Variants in FNDC3B observed in about 807,000 individuals in gnomAD.
The protein encoded by FNDC3B is fibronectin type III domain-containing protein 3B.
FNDC3B carries 12 observed loss-of-function variants against 151.5 expected under a neutral mutation model. The ratio of observed to expected loss-of-function variants is 0.08; its 90% confidence interval spans 0.05 to 0.13. The LOEUF is 0.13. Among genes scored for constraint, FNDC3B ranks in the 10% least tolerant of loss-of-function variants. The probability of loss-of-function intolerance (pLI) is 1.00; values close to 1 mark genes in which losing one functional copy is unlikely to be tolerated. For missense variants in FNDC3B, 1,214 were observed against 1,505.3 expected (o/e 0.81, Z 3.20); for synonymous variants, 528 against 549.0 (o/e 0.96, Z 0.54).
At chr3:172,377,653 TTGTC>T (rs1212387244) in intron 23 of FNDC3B, among the ~76,000 whole-genome samples, 3 of 152,180 alleles carry the variant, frequency 2.0e-5, no homozygotes, top group Non-Finnish European at 2.9e-5. Context: ...CCTGTGCTGT[TTGTC>T]TGTGATTTTG....
intron 3 of FNDC3B, among the ~76,000 whole-genome samples, chr3:172,167,821 C>T (rs965823756): frequency 2.6e-5 from 4 of 152,156 alleles, no homozygotes; most frequent in Non-Finnish European, 4.4e-5. Flanking sequence ...ATCTAGGTTG[C>T]GTACTCCTTA....
At chr3:172,176,513 T>C (rs1482057033) in intron 3 of FNDC3B, among the ~76,000 whole-genome samples, 1 of 152,210 alleles carries the variant, frequency 6.6e-6, no homozygotes, top group Non-Finnish European at 1.5e-5. Flanking sequence ...TTAGGAAATT[T>C]AGTTCCTGCT....
chr3:172,117,912 G>A (rs1720345635), intron 2 of FNDC3B, among the ~76,000 whole-genome samples: 2 of 152,084 alleles, frequency 1.3e-5, no homozygotes, highest in Admixed American at 6.5e-5. Flanking sequence ...CAGAAAACTC[G>A]CTTCTCCTGC....
chr3:172,222,644 C>G (rs1017969111), intron 3 of FNDC3B, among the ~76,000 whole-genome samples: 2 of 152,142 alleles, frequency 1.3e-5, no homozygotes, highest in Non-Finnish European at 2.9e-5. Context: ...CAGCCTAGAT[C>G]CCTCTTCACG....
chr3:172,191,728 C>A (rs376243469), intron 3 of FNDC3B, among the ~76,000 whole-genome samples: 2 of 152,138 alleles, frequency 1.3e-5, no homozygotes, highest in African/African-American at 4.8e-5. Context: ...AACTTCTGGG[C>A]TCAAGTGATC....
Position 172,247,624 on chromosome 3 carries a change from C to T in FNDC3B, c.356C>T (p.Pro119Leu). Residue 119 changes from proline to leucine, a missense_variant, in exon 5 of 26, where the codon CCA becomes CTA. Pro to Leu is a moderately conservative substitution (Grantham distance 98). Around this residue, in one of 7 missense-constraint regions of FNDC3B, gnomAD observed 113 missense variants for 177.8 expected, o/e 0.64. Transcript: ENST00000415807. ...YPPSYPSAMSPTHHLPPYLTH... is the reference protein window; with the variant it reads ...YPPSYPSAMSLTHHLPPYLTH... ...CCAAGCTACCCCTCAGCCATGTCTC[C>T]AACCCATCATCTCCCTCCCTATCTG... is the stretch of plus-strand genomic sequence containing the variant. 1 of 1,614,128 alleles carries T rather than the reference C, an allele frequency of 6.2e-7. No individual in the cohort carries two copies. The highest frequency in any genetic ancestry group is 1.3e-5 in the African/African-American group (1 of 75,016).
chr3:172,397,621 G>T lies in FNDC3B; in HGVS notation c.*146G>T, dbSNP rs1576978470. On this transcript the variant is annotated 3_prime_UTR_variant, in exon 26 of 26. Coordinates refer to ENST00000415807, the MANE Select transcript of FNDC3B (RefSeq NM_022763.4). ...GCTAGAAAAAAAATGTCAGTGTTTT[G>T]GTGCACCTTTTTGAAATGCAAAACT... 2.3e-6 allele frequency: 1 copy of T among 439,862 alleles called. No homozygotes were observed. The highest frequency in any genetic ancestry group is 3.6e-5 in the East Asian group (1 of 27,790). The allele number at this position is 439,862 out of a possible 1,614,324, so 27.2% of individuals were successfully genotyped here. A position where few individuals can be genotyped will look rare whatever the true frequency, so the allele number is the denominator to read the frequency against.
At chr3:172,212,964 G>T (rs1028132400) in intron 3 of FNDC3B, among the ~76,000 whole-genome samples, 1 of 152,202 alleles carries the variant, frequency 6.6e-6, no homozygotes, top group African/African-American at 2.4e-5. Flanking sequence ...AAACAATTCA[G>T]TTGAGATTAA....
chr3:172,393,769 A>G, intron 25 of FNDC3B, among the ~76,000 whole-genome samples: 1 of 152,198 alleles, frequency 6.6e-6, no homozygotes, highest in Non-Finnish European at 1.5e-5. Context: ...AATTAAATGG[A>G]AATTAAAAAA....
At chr3:172,188,297 T>A (rs1560008882) in intron 3 of FNDC3B, among the ~76,000 whole-genome samples, 1 of 151,878 alleles carries the variant, frequency 6.6e-6, no homozygotes, top group Non-Finnish European at 1.5e-5. Context: ...GCCTGGCCTT[T>A]AAGCAAAGTT....
intron 1 of FNDC3B, among the ~76,000 whole-genome samples, chr3:172,074,011 A>G (rs1025454630): frequency 1.3e-5 from 2 of 152,208 alleles, no homozygotes. Context: ...TTGCATCTTC[A>G]AGAAAGGGAT....
chr3:172,370,323 G>C (rs900407611), intron 23 of FNDC3B, among the ~76,000 whole-genome samples: 2 of 151,912 alleles, frequency 1.3e-5, no homozygotes, highest in Non-Finnish European at 2.9e-5. Context: ...TCCCCCTATA[G>C]TGATTTAAAA....
intron 3 of FNDC3B, chr3:172,186,862 A>T (rs1724213592): frequency 1.6e-6 from 1 of 619,442 alleles, no homozygotes; most frequent in South Asian, 1.9e-5. Context: ...TCTGAAGTGG[A>T]TTAAGTGGCC....
intron 7 of FNDC3B, among the ~76,000 whole-genome samples, chr3:172,293,704 G>A (rs548660721): frequency 6.6e-6 from 1 of 152,314 alleles, no homozygotes; most frequent in Admixed American, 6.5e-5. Flanking sequence ...ATGAGCAGGA[G>A]TTTGACTAAA....
intron 7 of FNDC3B, among the ~76,000 whole-genome samples, chr3:172,291,174 A>G (rs1355004566): frequency 6.6e-6 from 1 of 152,248 alleles, no homozygotes; most frequent in East Asian, 1.9e-4. Flanking sequence ...TGGATTACGT[A>G]TCAAATAGCT....
intron 2 of FNDC3B, among the ~76,000 whole-genome samples, chr3:172,118,161 A>G (rs1022005954): frequency 3.9e-5 from 6 of 152,186 alleles, no homozygotes; most frequent in Non-Finnish European, 8.8e-5. Flanking sequence ...TCCAGACAGT[A>G]TGTTCAACAT....
chr3:172,255,811 G>T (rs13094089), intron 6 of FNDC3B, among the ~76,000 whole-genome samples: 5 of 151,956 alleles, frequency 3.3e-5, no homozygotes, highest in African/African-American at 1.2e-4. Flanking sequence ...TCGTCACCTC[G>T]TCCTAGGGCA....
In FNDC3B at chr3:172,040,394, C is replaced by T. The variant is rs879655736; in HGVS notation, c.-29+623C>T. Among the ~76,000 whole-genome samples the T allele has an allele frequency of 5.3e-5, 8 of 151,734 alleles. No individual in the cohort carries two copies. Among genetic ancestry groups the T allele is most frequent in the Non-Finnish European group, 1.0e-4 (7 of 67,866 alleles). Reference sequence around the variant, plus strand: ...GGGTCCCGAGCCCGCGCCGGCCTGGCCCCCCCGTCCCCGGCTGGGCCTCTC... The same window carrying T: ...GGGTCCCGAGCCCGCGCCGGCCTGGTCCCCCCGTCCCCGGCTGGGCCTCTC... On this transcript the variant is annotated intron_variant, in intron 1 of 25. Transcript: ENST00000415807. The surrounding 1 kb of genome is among the most constrained non-coding windows in gnomAD (Gnocchi z 6.6).
At chr3:172,276,685 TCATA>T (rs1433384522) in intron 6 of FNDC3B, among the ~76,000 whole-genome samples, 1 of 152,224 alleles carries the variant, frequency 6.6e-6, no homozygotes, top group Non-Finnish European at 1.5e-5. Flanking sequence ...TGTTCTCATG[TCATA>T]CGATGGGAAG....
Sources: allele counts gnomAD v4.1 joint callset (sites outside exome capture counted in the v4.1 genomes callset), GRCh38; gene constraint gnomAD v4.1.1; regional missense constraint gnomAD v4.1.1; non-coding constraint Gnocchi (gnomAD v3.1); transcripts MANE v1.5; gene names NCBI Gene and HGNC (gene_info 2026-07-23, HGNC 2026-07-21).